ZNF365: variants seen among roughly 807,000 people sequenced by gnomAD.
The protein encoded by ZNF365 is zinc finger protein 365, also known as protein ZNF365.
In ZNF365, 22 loss-of-function variants were observed where a neutral mutation model predicts 35.0. The observed-to-expected ratio is 0.63, with a 90% CI of 0.45 to 0.90. The LOEUF (loss-of-function observed/expected upper bound fraction) is 0.90. Among genes scored for constraint, ZNF365 ranks in the 40% least tolerant of loss-of-function variants. The pLI is 0.00. For missense variants in ZNF365, 448 were observed against 500.3 expected, an observed-to-expected ratio of 0.90 and a Z score of 1.00; for synonymous variants, 188 against 196.2, an observed-to-expected ratio of 0.96 and a Z score of 0.35.
intron 3 of ZNF365, among the ~76,000 whole-genome samples, chr10:62,408,671 A>G (rs1265959061): frequency 3.9e-5 from 6 of 152,154 alleles, no homozygotes; most frequent in African/African-American, 1.2e-4. Context: ...AAATACTAAC[A>G]GCATCTGTTG....
chr10:62,427,213 C>T (rs1284846376), intron 3 of ZNF365, among the ~76,000 whole-genome samples: 1 of 152,182 alleles, frequency 6.6e-6, no homozygotes, highest in African/African-American at 2.4e-5. Flanking sequence ...TCACATGACA[C>T]ATGATGATAT....
chr10:62,422,306 G>T (rs1314834020), intron 3 of ZNF365, among the ~76,000 whole-genome samples: 3 of 152,140 alleles, frequency 2.0e-5, no homozygotes, highest in Admixed American at 2.0e-4. Context: ...AATATAAGTC[G>T]CTATGCCTTA....
chr10:62,466,542 A>G (rs1345420793), intron 4 of ZNF365, among the ~76,000 whole-genome samples: 1 of 152,054 alleles, frequency 6.6e-6, no homozygotes, highest in Non-Finnish European at 1.5e-5. Context: ...GAGTAAGCAA[A>G]ACCCAAGCAG....
chr10:62,401,427 A>G lies in ZNF365; in HGVS notation c.*1638A>G. 2.0e-6 allele frequency: 2 copies of G among 985,538 alleles called. No individual in the cohort carries two copies. Among genetic ancestry groups the G allele is most frequent in the Non-Finnish European group, 2.4e-6 (2 of 829,928 alleles). The allele number at this position is 985,538 out of a possible 1,614,324, so 61.0% of individuals were successfully genotyped here. ...AAAAGTGTAACTTATCATTATACAAACATTCTGAACCTACCATAATGAAAA... is the reference window on the plus strand; with the variant it reads ...AAAAGTGTAACTTATCATTATACAAGCATTCTGAACCTACCATAATGAAAA... On this transcript the variant is annotated 3_prime_UTR_variant, in exon 5 of 5. Coordinates refer to ENST00000395254, the MANE Select transcript of ZNF365 (RefSeq NM_014951.3).
chr10:62,406,589 A>C (rs1222783529), downstream of ZNF365, among the ~76,000 whole-genome samples: 1 of 152,188 alleles, frequency 6.6e-6, no homozygotes, highest in Non-Finnish European at 1.5e-5. Flanking sequence ...ATGCTAAAAA[A>C]GAAAACTACA....
intron 3 of ZNF365, among the ~76,000 whole-genome samples, chr10:62,411,514 G>T (rs1054344401): frequency 6.6e-6 from 1 of 152,054 alleles, no homozygotes; most frequent in African/African-American, 2.4e-5. Flanking sequence ...AGTTCTTCTG[G>T]CACTATTTAT....
chr10:62,388,645 GA>G, intron 3 of ZNF365, 69 bp downstream of exon 3: 1 of 1,565,478 alleles, frequency 6.4e-7, no homozygotes, highest in African/African-American at 1.4e-5. Flanking sequence ...TGAGGACAGA[GA>G]AAAGGGAGCT....
At chr10:62,384,700 C>T (rs1839496909) in intron 2 of ZNF365, among the ~76,000 whole-genome samples, 1 of 152,154 alleles carries the variant, frequency 6.6e-6, no homozygotes, top group African/African-American at 2.4e-5. Context: ...GGATATTTTG[C>T]TTTGATGCTG....
At chr10:62,417,954 A>G (rs781565747) in intron 3 of ZNF365, among the ~76,000 whole-genome samples, 45 of 152,052 alleles carry the variant, frequency 3.0e-4, no homozygotes, top group Non-Finnish European at 5.0e-4. Context: ...TTCTAAAGGG[A>G]GTGAGAGAAC....
intron 4 of ZNF365, 98 bp downstream of exon 4, chr10:62,398,875 T>C (rs923130620): frequency 5.8e-6 from 7 of 1,206,854 alleles, no homozygotes; most frequent in Non-Finnish European, 8.1e-6. Context: ...TTATATGATA[T>C]CTATATTATA....
intron 4 of ZNF365, chr10:62,459,890 C>A: frequency 9.0e-7 from 1 of 1,110,638 alleles, no homozygotes; most frequent in Non-Finnish European, 1.3e-6. Context: ...AGGGGCGCAG[C>A]AGGCCATTGG....
chr10:62,377,929 G>A (rs1454893132), intron 2 of ZNF365, among the ~76,000 whole-genome samples: 3 of 152,162 alleles, frequency 2.0e-5, no homozygotes, highest in Non-Finnish European at 2.9e-5. Flanking sequence ...TCTATTTTGT[G>A]TTGTCTCTTA....
rs566981891 is a variant in ZNF365 at position 62,466,392 on chromosome 10, C to T, written c.981+6595C>T. Among the ~76,000 whole-genome samples, 17 of 152,318 alleles carry T rather than the reference C, an allele frequency of 1.1e-4. No homozygotes were observed. The East Asian group carries it at 1.4e-3, about 12-fold the overall frequency. On this transcript the variant is annotated intron_variant, in intron 4 of 4. Coordinates refer to the ZNF365 transcript ENST00000395255. ...TGGTGTGCCTGGCTGTGCACAGCAGCGAGACCCTGCCCCTGCTCATGCATT... is the reference window on the plus strand; with the variant it reads ...TGGTGTGCCTGGCTGTGCACAGCAGTGAGACCCTGCCCCTGCTCATGCATT...
intron 4 of ZNF365, among the ~76,000 whole-genome samples, chr10:62,469,244 C>T (rs554077330): frequency 2.0e-5 from 3 of 152,228 alleles, no homozygotes; most frequent in East Asian, 3.9e-4. Context: ...CACCAGAGTC[C>T]CTCTCCACCA....
chr10:62,396,755 T>TTC (rs147517053), intron 3 of ZNF365, among the ~76,000 whole-genome samples: 49 of 150,946 alleles, frequency 3.2e-4, no homozygotes, highest in African/African-American at 6.8e-4. Context: ...CATGTATTTG[T>TTC]TCTCTCTCTC....
intron 3 of ZNF365, among the ~76,000 whole-genome samples, chr10:62,440,323 T>A (rs201569766): frequency 1.8e-3 from 2 of 1,116 alleles, no homozygotes; most frequent in Non-Finnish European, 3.9e-3. Flanking sequence ...GGATGGGGGG[T>A]TTTTTCTACA....
chr10:62,413,183 A>G (rs1840013000), intron 3 of ZNF365, among the ~76,000 whole-genome samples: 1 of 152,152 alleles, frequency 6.6e-6, no homozygotes, highest in Non-Finnish European at 1.5e-5. Context: ...TATACACCAA[A>G]GTCGTAAACT....
intron 1 of ZNF365, among the ~76,000 whole-genome samples, 153 bp downstream of exon 1, chr10:62,374,611 A>C (rs536364602): frequency 7.6e-4 from 116 of 152,216 alleles, no homozygotes; most frequent in Middle Eastern, 3.4e-3. Flanking sequence ...ACTCATGTGC[A>C]CACGAATCCA....
chr10:62,417,616 T>A (rs1482127862), intron 3 of ZNF365, among the ~76,000 whole-genome samples: 3 of 152,172 alleles, frequency 2.0e-5, no homozygotes, highest in Middle Eastern at 6.8e-3. Context: ...TTTGTTGTTT[T>A]ATTTTTGCCT....
Sources: allele counts gnomAD v4.1 joint callset (sites outside exome capture counted in the v4.1 genomes callset), GRCh38; gene constraint gnomAD v4.1.1; transcripts MANE v1.5; gene names NCBI Gene and HGNC (gene_info 2026-07-23, HGNC 2026-07-21).